The following CCBE1 variants were observed in gnomAD, a reference collection of about 807,000 sequenced individuals.
The protein encoded by CCBE1 is collagen and calcium-binding EGF domain-containing protein 1.
A neutral mutation model predicts 50.0 loss-of-function variants in CCBE1; 37 were observed. The observed-to-expected ratio is 0.74, with a 90% CI of 0.57 to 0.97. The LOEUF (loss-of-function observed/expected upper bound fraction) is 0.97. CCBE1 is among the 50% of genes least tolerant of loss of function. The pLI is 0.00. For synonymous variants in CCBE1, 234 were observed against 203.7 expected (o/e 1.15, Z -1.27); for missense variants, 538 against 523.8 (o/e 1.03, Z -0.26).
chr18:59,616,584 A>G (rs2053639676), intron 2 of CCBE1, among the ~76,000 whole-genome samples: 1 of 152,164 alleles, frequency 6.6e-6, no homozygotes, highest in Non-Finnish European at 1.5e-5. Flanking sequence ...AACTCCCCTT[A>G]GTGGCTAGGC....
At chr18:59,490,537 T>G (rs1034772153) in intron 2 of CCBE1, among the ~76,000 whole-genome samples, 1 of 152,202 alleles carries the variant, frequency 6.6e-6, no homozygotes, top group Non-Finnish European at 1.5e-5. Context: ...CTTCAGAAAC[T>G]TCTGGTTTTG....
At chr18:59,460,936 AAAATAAAT>A (rs59182848) in intron 5 of CCBE1, among the ~76,000 whole-genome samples, 4,605 of 141,196 alleles carry the variant, frequency 0.033, 111 homozygotes, top group Non-Finnish European at 0.047. Context: ...CTCTGTCTCA[AAAATAAAT>A]AAATAAATAA....
intron 2 of CCBE1, among the ~76,000 whole-genome samples, chr18:59,555,995 A>G (rs1018401835): frequency 6.6e-6 from 1 of 152,198 alleles, no homozygotes; most frequent in Non-Finnish European, 1.5e-5. Flanking sequence ...CACTTTACAG[A>G]TCTCAGAGCT....
rs1331172781 is a variant in CCBE1, at chr18:59,582,673, C to CA, written c.213-102436dup. On this transcript the variant is annotated intron_variant, in intron 2 of 10. Coordinates refer to ENST00000439986, the MANE Select transcript of CCBE1 (RefSeq NM_133459.4). ...CTCAGGGTGGCTGGCAGCCACCCCC[C>CA]AGTCCACACCCAACCTCTTTCAGTT... Among the ~76,000 whole-genome samples the CA allele has an allele frequency of 2.0e-5, 3 of 152,174 alleles. No homozygotes were observed. The East Asian group carries it at 5.8e-4, about 29-fold the overall frequency.
At chr18:59,450,263 T>C (rs1281481703) in intron 6 of CCBE1, among the ~76,000 whole-genome samples, 1 of 152,196 alleles carries the variant, frequency 6.6e-6, no homozygotes, top group Non-Finnish European at 1.5e-5. Context: ...ATAAATAATA[T>C]TTTTACTTGC....
At chr18:59,450,443 C>T (rs1327536640) in intron 6 of CCBE1, among the ~76,000 whole-genome samples, 1 of 152,126 alleles carries the variant, frequency 6.6e-6, no homozygotes, top group Non-Finnish European at 1.5e-5. Flanking sequence ...GTCACACAGC[C>T]AGCAGACGGT....
intron 4 of CCBE1, among the ~76,000 whole-genome samples, chr18:59,468,476 G>A (rs1464823124): frequency 6.6e-5 from 10 of 152,186 alleles, no homozygotes; most frequent in Admixed American, 6.5e-4. Flanking sequence ...GGAATGGCCT[G>A]TACCTTTCTC....
At chr18:59,653,286 C>T (rs934333247) in intron 2 of CCBE1, among the ~76,000 whole-genome samples, 2 of 152,206 alleles carry the variant, frequency 1.3e-5, no homozygotes. Context: ...CTCAATGACT[C>T]TTGAACATGG....
intron 4 of CCBE1, 103 bp downstream of exon 4, chr18:59,469,370 A>G: frequency 6.8e-7 from 1 of 1,478,452 alleles, no homozygotes; most frequent in Middle Eastern, 2.1e-4. Context: ...ATCAAACACA[A>G]CTCCATCCAA....
At chr18:59,448,181 T>A in intron 6 of CCBE1, 78 bp from the exon 7 acceptor site, 1 of 1,594,922 alleles carries the variant, frequency 6.3e-7, no homozygotes, top group Middle Eastern at 1.7e-4. Flanking sequence ...TGGGAGAAGC[T>A]GCAAAGCCTT....
intron 7 of CCBE1, among the ~76,000 whole-genome samples, chr18:59,444,418 G>C (rs918214525): frequency 6.6e-6 from 1 of 151,460 alleles, no homozygotes; most frequent in Admixed American, 6.6e-5. Context: ...ATTTTTTGAG[G>C]AATCTCCACA....
At chr18:59,551,241 A>G (rs2564493) in intron 2 of CCBE1, among the ~76,000 whole-genome samples, 99,588 of 151,294 alleles carry the variant, frequency 0.66, 32,917 homozygotes, top group East Asian at 0.79. Context: ...ACGTGATAAT[A>G]AATACTGTAT....
At chr18:59,497,207 AG>A (rs1913395707) in intron 2 of CCBE1, among the ~76,000 whole-genome samples, 2 of 152,274 alleles carry the variant, frequency 1.3e-5, no homozygotes, top group South Asian at 4.1e-4. Context: ...TGTTTATAAT[AG>A]TTACGATGAA....
At chr18:59,536,347 TCTC>T (rs1033590142) in intron 2 of CCBE1, among the ~76,000 whole-genome samples, 3 of 152,170 alleles carry the variant, frequency 2.0e-5, no homozygotes, top group African/African-American at 7.2e-5. Context: ...CTGGGCTCTC[TCTC>T]CTCCTCCTCT....
intron 2 of CCBE1, among the ~76,000 whole-genome samples, chr18:59,689,863 C>T (rs2054705938): frequency 6.6e-6 from 1 of 152,154 alleles, no homozygotes; most frequent in African/African-American, 2.4e-5. Flanking sequence ...TTGCTAGCGC[C>T]TCTGCAGAAA....
intron 2 of CCBE1, among the ~76,000 whole-genome samples, chr18:59,511,794 C>A (rs1013451920): frequency 6.6e-6 from 1 of 152,130 alleles, no homozygotes; most frequent in East Asian, 1.9e-4. Context: ...CACAACTCTA[C>A]CCACTCTATA....
intron 3 of CCBE1, among the ~76,000 whole-genome samples, chr18:59,474,534 G>A (rs1409781853): frequency 2.0e-5 from 3 of 152,174 alleles, no homozygotes; most frequent in Non-Finnish European, 2.9e-5. Context: ...GGAGAAGGCT[G>A]AGGGCTTCAA....
intron 6 of CCBE1, among the ~76,000 whole-genome samples, chr18:59,451,375 C>G (rs1441027736): frequency 6.8e-6 from 1 of 147,412 alleles, no homozygotes; most frequent in Non-Finnish European, 1.5e-5. Flanking sequence ...CCAGGGAACT[C>G]TCTGCAGCAA....
At chr18:59,446,323 C>T (rs1910667501) in intron 7 of CCBE1, among the ~76,000 whole-genome samples, 2 of 152,216 alleles carry the variant, frequency 1.3e-5, no homozygotes, top group African/African-American at 4.8e-5. Flanking sequence ...CTGGAGTTGA[C>T]TTCCTCCAGA....
Sources: allele counts gnomAD v4.1 joint callset (sites outside exome capture counted in the v4.1 genomes callset), GRCh38; gene constraint gnomAD v4.1.1; transcripts MANE v1.5; gene names NCBI Gene and HGNC (gene_info 2026-07-23, HGNC 2026-07-21).